The following OLFM3 variants were observed in gnomAD, a reference collection of about 807,000 sequenced individuals.
The protein encoded by OLFM3 is olfactomedin 3.
Under a neutral mutation model 48.6 loss-of-function variants are expected in OLFM3, and 20 were observed. The ratio of observed to expected loss-of-function variants is 0.41; its 90% CI spans 0.29 to 0.60. The LOEUF (loss-of-function observed/expected upper bound fraction) is 0.60. Among genes scored for constraint, OLFM3 ranks in the 20% least tolerant of loss-of-function variants. OLFM3 has a pLI of 0.28. For missense variants in OLFM3, 437 were observed against 544.3 expected, an observed-to-expected ratio of 0.80 and a Z score of 1.96; for synonymous variants, 222 against 198.1, an observed-to-expected ratio of 1.12 and a Z score of -1.01.
chr1:101,996,911 C>T lies in OLFM3; in HGVS notation c.-95G>A. On this transcript the variant is annotated 5_prime_UTR_variant, in exon 1 of 6. Transcript: ENST00000370103. ...CCTCGTCAGTTGCACTTTCTGCCTG[C>T]CAGTCAGAGCCGAGTGGAAGCAGAG... 1 of 1,312,708 alleles carries T rather than the reference C, an allele frequency of 7.6e-7. No homozygotes were observed. Among genetic ancestry groups the T allele is most frequent in the Non-Finnish European group, 1.1e-6 (1 of 917,214 alleles). 81.3% of individuals were successfully genotyped at this position (1,312,708 alleles called of 1,614,324 possible).
At chr1:101,913,213 A>G (rs2101030309) in intron 1 of OLFM3, among the ~76,000 whole-genome samples, 1 of 152,274 alleles carries the variant, frequency 6.6e-6, no homozygotes, top group East Asian at 1.9e-4. Context: ...AAGGCTACAG[A>G]TTATGTAACT....
intron 1 of OLFM3, among the ~76,000 whole-genome samples, chr1:101,898,945 CATT>C (rs1239715853): frequency 6.6e-6 from 1 of 152,274 alleles, no homozygotes; most frequent in East Asian, 1.9e-4. Flanking sequence ...TTCATTCATT[CATT>C]ATGCAGGTGG....
chr1:101,971,191 T>C (rs2101096525), intron 1 of OLFM3, among the ~76,000 whole-genome samples: 1 of 152,290 alleles, frequency 6.6e-6, no homozygotes, highest in Admixed American at 6.5e-5. Context: ...TGTTCTGGTC[T>C]GGTGAGAGAT....
intron 1 of OLFM3, among the ~76,000 whole-genome samples, chr1:101,923,163 G>T (rs1659155282): frequency 1.3e-5 from 2 of 152,098 alleles, no homozygotes; most frequent in African/African-American, 4.8e-5. Flanking sequence ...TATTTCATAG[G>T]CATATCTCTG....
chr1:101,988,173 G>A (rs1472926464), intron 1 of OLFM3, among the ~76,000 whole-genome samples: 1 of 151,930 alleles, frequency 6.6e-6, no homozygotes, highest in African/African-American at 2.4e-5. Flanking sequence ...GAAAAATATA[G>A]GTAATATATG....
chr1:101,808,447 A>G (rs1653887092), intron 4 of OLFM3, among the ~76,000 whole-genome samples: 3 of 151,898 alleles, frequency 2.0e-5, no homozygotes, highest in Non-Finnish European at 4.4e-5. Context: ...CTTGAAGAGA[A>G]AAAAGAAAGG....
intron 1 of OLFM3, among the ~76,000 whole-genome samples, chr1:101,859,143 T>TA (rs1490250674): frequency 6.6e-6 from 1 of 151,474 alleles, no homozygotes; most frequent in African/African-American, 2.4e-5. Context: ...AGAGAGGAAA[T>TA]AGAGTTGGAA....
intron 2 of OLFM3, among the ~76,000 whole-genome samples, chr1:101,833,831 T>C (rs1243327200): frequency 6.6e-6 from 1 of 152,170 alleles, no homozygotes; most frequent in Non-Finnish European, 1.5e-5. Context: ...TAACAAAAAC[T>C]TTAGTAGTAA....
intron 1 of OLFM3, among the ~76,000 whole-genome samples, chr1:101,991,162 A>G (rs1661400016): frequency 6.6e-6 from 1 of 151,004 alleles, no homozygotes; most frequent in South Asian, 2.1e-4. Context: ...AACCAGGGTA[A>G]TGAGTGTTTA....
At chr1:101,913,107 C>T (rs1419488219) in intron 1 of OLFM3, among the ~76,000 whole-genome samples, 1 of 152,138 alleles carries the variant, frequency 6.6e-6, no homozygotes, top group Non-Finnish European at 1.5e-5. Flanking sequence ...ATTTCTAAAG[C>T]AGTGCTCCAT....
At chr1:101,891,056 G>C (rs1182073392) in intron 1 of OLFM3, among the ~76,000 whole-genome samples, 2 of 151,912 alleles carry the variant, frequency 1.3e-5, no homozygotes, top group African/African-American at 4.8e-5. Flanking sequence ...TACATTATTA[G>C]TAATACATTA....
At chr1:101,896,028 A>G (rs1235053554) in intron 1 of OLFM3, among the ~76,000 whole-genome samples, 1 of 151,102 alleles carries the variant, frequency 6.6e-6, no homozygotes, top group Admixed American at 6.6e-5. Flanking sequence ...GTATTTGCTT[A>G]TATCGATTTA....
intron 1 of OLFM3, among the ~76,000 whole-genome samples, chr1:101,841,461 T>C (rs182122452): frequency 1.1e-4 from 16 of 152,340 alleles, no homozygotes; most frequent in Non-Finnish European, 2.2e-4. Context: ...AGATAGATCA[T>C]CTATGTCCAT....
chr1:101,937,320 T>A (rs1489370155), intron 1 of OLFM3, among the ~76,000 whole-genome samples: 1 of 152,170 alleles, frequency 6.6e-6, no homozygotes, highest in Admixed American at 6.5e-5. Context: ...CATAAAACAA[T>A]ACAAACATGC....
intron 1 of OLFM3, among the ~76,000 whole-genome samples, chr1:101,924,462 T>G (rs1337025676): frequency 6.6e-6 from 1 of 152,180 alleles, no homozygotes; most frequent in Non-Finnish European, 1.5e-5. Context: ...CAGAGTAATG[T>G]GTGTTCAACC....
At chr1:101,977,918 C>T (rs141949994) in intron 1 of OLFM3, among the ~76,000 whole-genome samples, 125 of 152,122 alleles carry the variant, frequency 8.2e-4, no homozygotes, top group Non-Finnish European at 1.4e-3. Flanking sequence ...TATGTTTATA[C>T]TTTGTTTCTT....
At chr1:101,889,192 C>T (rs1657891235) in intron 1 of OLFM3, among the ~76,000 whole-genome samples, 1 of 152,162 alleles carries the variant, frequency 6.6e-6, no homozygotes, top group South Asian at 2.1e-4. Flanking sequence ...GCTATAAAGA[C>T]ACATGCACAC....
chr1:101,879,261 T>C (rs1470877569), intron 1 of OLFM3, among the ~76,000 whole-genome samples: 1 of 151,884 alleles, frequency 6.6e-6, no homozygotes, highest in Non-Finnish European at 1.5e-5. Context: ...TGTATGGCAT[T>C]ATTTATATGT....
chr1:101,958,780 T>C (rs1371176431), intron 1 of OLFM3, among the ~76,000 whole-genome samples: 1 of 151,222 alleles, frequency 6.6e-6, no homozygotes, highest in Non-Finnish European at 1.5e-5. Context: ...TAAAAGTTTA[T>C]TTATTTTCAG....
Sources: allele counts gnomAD v4.1 joint callset (sites outside exome capture counted in the v4.1 genomes callset), GRCh38; gene constraint gnomAD v4.1.1; transcripts MANE v1.5; gene names NCBI Gene and HGNC (gene_info 2026-07-23, HGNC 2026-07-21).